PSD3: variants seen among roughly 807,000 people sequenced by gnomAD.
The protein encoded by PSD3 is PH and SEC7 domain-containing protein 3.
In PSD3, 49 loss-of-function variants were observed where a neutral mutation model predicts 105.5. The ratio of observed to expected loss-of-function variants is 0.46; its 90% CI spans 0.37 to 0.59. PSD3 has a LOEUF of 0.59. Ranked by LOEUF, PSD3 falls within the 20% of genes least tolerant of loss-of-function variation. PSD3 has a pLI of 0.00. For synonymous variants in PSD3, 557 were observed against 457.8 expected (o/e 1.22, Z -2.77); for missense variants, 1,561 against 1,263.8 (o/e 1.24, Z -3.57).
chr8:18,580,394 C>CTTTTACAAACTTTTTGGT (rs1390077399), intron 12 of PSD3, among the ~76,000 whole-genome samples: 1 of 152,072 alleles, frequency 6.6e-6, no homozygotes, highest in African/African-American at 2.4e-5. Flanking sequence ...ACCCAGTAAA[C>CTTTTACAAACTTTTTGGT]TTTTACAAAA....
intron 4 of PSD3, among the ~76,000 whole-genome samples, chr8:18,844,142 T>C (rs1024421234): frequency 6.6e-6 from 1 of 151,796 alleles, no homozygotes; most frequent in Non-Finnish European, 1.5e-5. Context: ...CTTTAACTCA[T>C]AAATTACCTA....
chr8:18,536,082 A>T, intron 15 of PSD3, 124 bp from the exon 16 acceptor site: 1 of 894,416 alleles, frequency 1.1e-6, no homozygotes, highest in African/African-American at 1.7e-5. Flanking sequence ...TTCATTTCCC[A>T]AACTGACAAA....
intron 12 of PSD3, among the ~76,000 whole-genome samples, chr8:18,593,400 A>C (rs1803758945): frequency 6.6e-6 from 1 of 152,242 alleles, no homozygotes; most frequent in African/African-American, 2.4e-5. Flanking sequence ...CCATCACAGA[A>C]ATGCAAATCA....
chr8:18,681,771 G>A (rs1396575934), intron 9 of PSD3, among the ~76,000 whole-genome samples: 1 of 151,982 alleles, frequency 6.6e-6, no homozygotes, highest in African/African-American at 2.4e-5. Context: ...TAGCTCTGGT[G>A]TTCAATTTTA....
chr8:18,799,500 A>G (rs925885049), intron 7 of PSD3, 147 bp from the exon 8 acceptor site: 3 of 631,950 alleles, frequency 4.7e-6, no homozygotes, highest in East Asian at 2.8e-5. Context: ...CAAAAAATGG[A>G]TAAGAATAAT....
chr8:18,904,175 G>C (rs1487835897), intron 2 of PSD3, among the ~76,000 whole-genome samples: 1 of 152,126 alleles, frequency 6.6e-6, no homozygotes, highest in Non-Finnish European at 1.5e-5. Flanking sequence ...GTGAGAGAGG[G>C]AACAAGAGAG....
At chr8:18,714,243 C>G (rs529329046) in intron 9 of PSD3, among the ~76,000 whole-genome samples, 32 of 152,140 alleles carry the variant, frequency 2.1e-4, no homozygotes, top group African/African-American at 6.3e-4. Flanking sequence ...ATGAAAATGT[C>G]AAAAGCAACT....
intron 1 of PSD3, among the ~76,000 whole-genome samples, chr8:18,953,736 G>A (rs1055361256): frequency 1.3e-5 from 2 of 151,018 alleles, no homozygotes; most frequent in East Asian, 3.9e-4. Flanking sequence ...GTGACAGCAA[G>A]ACTCCATCTC....
rs984802721 is a variant in PSD3 at position 18,707,313 on chromosome 8, A to G, written c.2173-51628T>C. 2.0e-5 allele frequency among the ~76,000 whole-genome samples: 3 copies of G among 152,308 alleles called. No homozygotes were observed. In the South Asian group the frequency reaches 6.2e-4, roughly 32 times the overall value. ...AAGTCTATGAGACTTTTCTAGATGA[A>G]TATCAGCTCCTTGAAGTTTTCTATA... On this transcript the variant is annotated intron_variant, in intron 9 of 15. Coordinates refer to ENST00000327040, the MANE Select transcript of PSD3 (RefSeq NM_015310.4).
chr8:18,552,491 G>A (rs1173906092), intron 15 of PSD3, among the ~76,000 whole-genome samples: 1 of 152,112 alleles, frequency 6.6e-6, no homozygotes, highest in South Asian at 2.1e-4. Context: ...GTGTCTTAAG[G>A]GGCCCAGGTG....
chr8:18,947,974 G>C (rs1822972027), intron 1 of PSD3, among the ~76,000 whole-genome samples: 1 of 152,184 alleles, frequency 6.6e-6, no homozygotes, highest in South Asian at 2.1e-4. Context: ...AGTAACTAAA[G>C]AGCTGGAGAC....
At chr8:18,826,027 C>T (rs1190949908) in intron 4 of PSD3, among the ~76,000 whole-genome samples, 2 of 152,138 alleles carry the variant, frequency 1.3e-5, no homozygotes, top group African/African-American at 4.8e-5. Flanking sequence ...GGATGGCCCT[C>T]CCCAATGTAG....
intron 4 of PSD3, chr8:18,808,707 T>G: frequency 6.2e-7 from 1 of 1,613,086 alleles, no homozygotes; most frequent in Non-Finnish European, 8.5e-7. Flanking sequence ...CCGGAATTGC[T>G]CCTTTTAAAT....
chr8:18,981,923 C>T (rs1407828320), intron 1 of PSD3, among the ~76,000 whole-genome samples: 1 of 152,058 alleles, frequency 6.6e-6, no homozygotes, highest in African/African-American at 2.4e-5. Flanking sequence ...GCTGTGGCAA[C>T]TTAAAAAATA....
At chr8:18,654,578 C>G (rs1808748511) in intron 10 of PSD3, among the ~76,000 whole-genome samples, 1 of 152,066 alleles carries the variant, frequency 6.6e-6, no homozygotes, top group Admixed American at 6.5e-5. Context: ...ATTTTAACAA[C>G]AGTGGTATTG....
At chr8:18,923,102 G>A (rs756010454) in intron 2 of PSD3, among the ~76,000 whole-genome samples, 5 of 152,102 alleles carry the variant, frequency 3.3e-5, no homozygotes, top group Non-Finnish European at 5.9e-5. Flanking sequence ...ATCCAGGGGT[G>A]TCCAATCTCT....
intron 1 of PSD3, among the ~76,000 whole-genome samples, chr8:19,070,641 G>A (rs1000457650): frequency 2.6e-5 from 4 of 152,182 alleles, no homozygotes; most frequent in Admixed American, 6.5e-5. Flanking sequence ...TCGTGCCACT[G>A]CACTGTAGCA....
chr8:18,723,769 AAAAT>A (rs1803159804), intron 9 of PSD3, among the ~76,000 whole-genome samples: 1 of 152,254 alleles, frequency 6.6e-6, no homozygotes, highest in African/African-American at 2.4e-5. Flanking sequence ...CAAGTACATA[AAAAT>A]AAATACATTT....
rs1239442597 is a variant in PSD3 at position 18,991,373 on chromosome 8, T to TATACAC, written c.21+22189_21+22190insGTGTAT. 7.0e-5 allele frequency among the ~76,000 whole-genome samples: 7 copies of TATACAC among 100,088 alleles called. No individual in the cohort carries two copies. The South Asian group carries it at 2.0e-3, about 28-fold the overall frequency. 65.7% of individuals were successfully genotyped at this position (100,088 alleles called of 152,430 possible). ...ACACATACACACACACACACACACA[T>TATACAC]ACACACACACACACACACACACACA... On this transcript the variant is annotated intron_variant, in intron 1 of 15. Transcript: ENST00000327040.
Sources: gnomAD v4.1 joint callset for allele counts (sites outside exome capture counted in the v4.1 genomes callset) on GRCh38, gnomAD v4.1.1 for gene constraint, MANE v1.5 for transcripts, NCBI Gene and HGNC (gene_info 2026-07-23, HGNC 2026-07-21) for gene names.